ADAMTS6: variants seen among roughly 807,000 people sequenced by gnomAD.
ADAMTS6 encodes A disintegrin and metalloproteinase with thrombospondin motifs 6.
A neutral mutation model predicts 144.3 loss-of-function variants in ADAMTS6; 23 were observed. The ratio of observed to expected loss-of-function variants is 0.16; its 90% CI spans 0.11 to 0.23. ADAMTS6 has a LOEUF of 0.23. ADAMTS6 is among the 10% of genes least tolerant of loss of function. The pLI, the probability that ADAMTS6 is intolerant of heterozygous loss-of-function variation, is 1.00. For missense variants in ADAMTS6, 999 were observed against 1,379.6 expected (o/e 0.72, Z 4.37); for synonymous variants, 444 against 457.5 (o/e 0.97, Z 0.38).
chr5:65,409,096 A>C (rs888990449), intron 7 of ADAMTS6, among the ~76,000 whole-genome samples: 4 of 152,206 alleles, frequency 2.6e-5, no homozygotes, highest in African/African-American at 9.7e-5. Context: ...AGAACTAGAG[A>C]AGCAAGAGCA....
At chr5:65,425,804 C>T (rs1756460374) in intron 7 of ADAMTS6, among the ~76,000 whole-genome samples, 1 of 151,926 alleles carries the variant, frequency 6.6e-6, no homozygotes, top group Non-Finnish European at 1.5e-5. Flanking sequence ...CACTCTGTCC[C>T]CCAGGCTTGA....
At chr5:65,428,168 G>A (rs1031300921) in intron 7 of ADAMTS6, among the ~76,000 whole-genome samples, 8 of 147,250 alleles carry the variant, frequency 5.4e-5, no homozygotes, top group African/African-American at 2.0e-4. Flanking sequence ...AGCAGTTGCT[G>A]TGAGCCAAGA....
chr5:65,311,537 T>C (rs1744491353), intron 9 of ADAMTS6, among the ~76,000 whole-genome samples: 1 of 152,106 alleles, frequency 6.6e-6, no homozygotes, highest in South Asian at 2.1e-4. Flanking sequence ...TTACATAGGG[T>C]AAAAGCATGC....
chr5:65,465,251 A>G lies in ADAMTS6; in HGVS notation c.463-4913T>C, dbSNP rs539822267. 5.0e-4 allele frequency among the ~76,000 whole-genome samples: 76 copies of G among 152,248 alleles called. 1 individual carries two copies. The highest frequency in any genetic ancestry group is 3.1e-3 in the Admixed American group (47 of 15,288). ...TCTAAAACCTTCATATTCCCCTCCG[A>G]TAGACATTGCAAAACCTCCTACAAA... is the stretch of plus-strand genomic sequence containing the variant. On this transcript the variant is annotated intron_variant, in intron 3 of 24. Coordinates refer to ENST00000381055, the MANE Select transcript of ADAMTS6 (RefSeq NM_197941.4).
intron 14 of ADAMTS6, among the ~76,000 whole-genome samples, chr5:65,257,861 C>T (rs1012786482): frequency 2.0e-5 from 3 of 152,198 alleles, no homozygotes; most frequent in African/African-American, 4.8e-5. Context: ...ATATCACTTA[C>T]CACTCTGTAT....
chr5:65,396,236 CAAAGGA>C (rs1354004631), intron 7 of ADAMTS6, among the ~76,000 whole-genome samples: 1 of 152,048 alleles, frequency 6.6e-6, no homozygotes, highest in Non-Finnish European at 1.5e-5. Flanking sequence ...ATAAATAGTC[CAAAGGA>C]TATCATTTCT....
intron 7 of ADAMTS6, among the ~76,000 whole-genome samples, chr5:65,351,154 T>C (rs1007486577): frequency 4.6e-5 from 7 of 152,222 alleles, no homozygotes; most frequent in Non-Finnish European, 1.0e-4. Flanking sequence ...CCAATTCCAG[T>C]TGCCAATAAT....
intron 7 of ADAMTS6, among the ~76,000 whole-genome samples, chr5:65,426,904 C>A (rs1247112927): frequency 1.3e-5 from 2 of 151,880 alleles, no homozygotes; most frequent in Non-Finnish European, 2.9e-5. Flanking sequence ...ATATATTAAA[C>A]AGGATAAACA....
chr5:65,427,642 C>T (rs967871467), intron 7 of ADAMTS6, among the ~76,000 whole-genome samples: 2 of 151,506 alleles, frequency 1.3e-5, no homozygotes, highest in African/African-American at 4.8e-5. Flanking sequence ...ACTAAAAATA[C>T]AAAAAATAAG....
rs145807672 is a variant in ADAMTS6, at chr5:65,238,549, G to A, written c.1933+3555C>T. Among the ~76,000 whole-genome samples, 251 of 151,416 alleles carry A rather than the reference G, an allele frequency of 1.7e-3. 2 individuals carry two copies. The highest frequency in any genetic ancestry group is 3.2e-3 in the Non-Finnish European group (216 of 67,912). ...CAGGAGGTGGAGGTTTCAGTGAGCCGAGATTGCGCCACTGCTCTCCAGCCT... is the reference window on the plus strand; with the variant it reads ...CAGGAGGTGGAGGTTTCAGTGAGCCAAGATTGCGCCACTGCTCTCCAGCCT... On this transcript the variant is annotated intron_variant, in intron 15 of 24. Coordinates refer to ENST00000381055, the MANE Select transcript of ADAMTS6 (RefSeq NM_197941.4).
At chr5:65,473,396 C>G (rs1760612281) in intron 2 of ADAMTS6, among the ~76,000 whole-genome samples, 181 bp downstream of exon 2, 1 of 152,046 alleles carries the variant, frequency 6.6e-6, no homozygotes, top group Non-Finnish European at 1.5e-5. Flanking sequence ...ACTAGTAGGA[C>G]AAGTTAAACG....
chr5:65,326,401 T>A (rs539355566), intron 9 of ADAMTS6, among the ~76,000 whole-genome samples: 4 of 152,296 alleles, frequency 2.6e-5, no homozygotes, highest in Admixed American at 2.6e-4. Flanking sequence ...GGAAATAAAT[T>A]TCTTGTTTTC....
chr5:65,150,364 C>T lies in ADAMTS6; in HGVS notation c.*1472G>A, dbSNP rs1000445919. 1 of 152,464 alleles carries T rather than the reference C, an allele frequency of 6.6e-6. No homozygotes were observed. Among genetic ancestry groups the T allele is most frequent in the African/African-American group, 2.4e-5 (1 of 41,398 alleles). The allele number at this position is 152,464 out of a possible 1,614,324, so 9.4% of individuals were successfully genotyped here. A position where few individuals can be genotyped will look rare whatever the true frequency, so the allele number is the denominator to read the frequency against. On this transcript the variant is annotated 3_prime_UTR_variant, in exon 25 of 25. Coordinates refer to ENST00000381055, the MANE Select transcript of ADAMTS6 (RefSeq NM_197941.4). ...AAAAAATATTAATATAAACAAGTAC[C>T]CTTTTTCATTCTAAGTCTTGCTGTC...
At chr5:65,324,078 C>T (rs1745928590) in intron 9 of ADAMTS6, among the ~76,000 whole-genome samples, 1 of 152,134 alleles carries the variant, frequency 6.6e-6, no homozygotes, top group South Asian at 2.1e-4. Flanking sequence ...TGCCTGTTCA[C>T]TCTGATGGTA....
chr5:65,374,313 C>A (rs1036438018), intron 7 of ADAMTS6, among the ~76,000 whole-genome samples: 1 of 151,360 alleles, frequency 6.6e-6, no homozygotes, highest in African/African-American at 2.4e-5. Flanking sequence ...AAGAGGAAGT[C>A]AAATTGTCCC....
At chr5:65,399,705 G>A (rs1453789211) in intron 7 of ADAMTS6, among the ~76,000 whole-genome samples, 2 of 147,976 alleles carry the variant, frequency 1.4e-5, no homozygotes, top group African/African-American at 2.6e-5. Context: ...TTATACATGA[G>A]CATATATAGA....
rs78302041 is a variant in ADAMTS6, at chr5:65,250,205, C to A, written c.1831-7999G>T. Among the ~76,000 whole-genome samples the A allele has an allele frequency of 3.4e-3, 523 of 152,300 alleles. 5 individuals carry two copies. Among genetic ancestry groups the A allele is most frequent in the African/African-American group, 0.012 (501 of 41,564 alleles). On this transcript the variant is annotated intron_variant, in intron 14 of 24. Transcript: ENST00000381055. ...ACTAGATGTTTTATGTATGTTACTT[C>A]TTTTAATTGTCAAACAACTCTGCAA...
intron 22 of ADAMTS6, among the ~76,000 whole-genome samples, chr5:65,186,078 A>G (rs995011338): frequency 6.6e-6 from 1 of 152,124 alleles, no homozygotes; most frequent in Non-Finnish European, 1.5e-5. Flanking sequence ...ATTTATTCTT[A>G]AAAACAAACC....
intron 11 of ADAMTS6, among the ~76,000 whole-genome samples, chr5:65,281,741 AAC>A (rs1244587416): frequency 1.3e-5 from 2 of 152,148 alleles, no homozygotes; most frequent in African/African-American, 2.4e-5. Flanking sequence ...ATATTTAGAA[AAC>A]AGTTTTATGG....
Sources: allele counts gnomAD v4.1 joint callset (sites outside exome capture counted in the v4.1 genomes callset), GRCh38; gene constraint gnomAD v4.1.1; transcripts MANE v1.5; gene names NCBI Gene and HGNC (gene_info 2026-07-23, HGNC 2026-07-21).